CAMKMT: variants seen among roughly 807,000 people sequenced by gnomAD.
The protein encoded by CAMKMT is CaM KMT.
Under a neutral mutation model 48.0 loss-of-function variants are expected in CAMKMT, and 53 were observed. That is an observed-to-expected ratio of 1.10 (90% CI 0.89 to 1.39). CAMKMT has a LOEUF of 1.39. CAMKMT is among the 40% of genes most tolerant of loss of function. CAMKMT has a pLI of 0.00. For missense variants in CAMKMT, 428 were observed against 402.7 expected (o/e 1.06, Z -0.54); for synonymous variants, 165 against 152.3 (o/e 1.08, Z -0.61).
chr2:44,462,676 T>C (rs1240678088), intron 3 of CAMKMT, among the ~76,000 whole-genome samples: 1 of 152,146 alleles, frequency 6.6e-6, no homozygotes, highest in African/African-American at 2.4e-5. Flanking sequence ...TATACAAAAA[T>C]GTGCTGAAGT....
intron 3 of CAMKMT, among the ~76,000 whole-genome samples, chr2:44,481,145 A>T (rs548228079): frequency 6.6e-6 from 1 of 152,122 alleles, no homozygotes; most frequent in Non-Finnish European, 1.5e-5. Context: ...TTATATAAGC[A>T]AAAAAGTTTG....
intron 3 of CAMKMT, among the ~76,000 whole-genome samples, chr2:44,522,266 A>T (rs912320853): frequency 6.6e-6 from 1 of 151,846 alleles, no homozygotes; most frequent in Non-Finnish European, 1.5e-5. Context: ...CGGCCTCTCA[A>T]ATTGCTGGGA....
rs552820034 is a variant in CAMKMT at position 44,368,005 on chromosome 2, G to A, written c.139-4711G>A. Among the ~76,000 whole-genome samples, 4 of 152,286 alleles carry A rather than the reference G, an allele frequency of 2.6e-5. No individual in the cohort carries two copies. In the South Asian group the frequency reaches 6.2e-4, roughly 24 times the overall value. ...ACAAACATTTCAGGTTAATAAATGG[G>A]TCTTTGACTTCCATTGTGTTCAGTT... On this transcript the variant is annotated intron_variant, in intron 1 of 10. Transcript: ENST00000378494.
At chr2:44,666,647 T>C (rs1456754287) in intron 3 of CAMKMT, among the ~76,000 whole-genome samples, 1 of 149,170 alleles carries the variant, frequency 6.7e-6, no homozygotes, top group East Asian at 1.9e-4. Context: ...AGTCTGGCTC[T>C]GTCACCCAAG....
At chr2:44,421,945 A>G (rs1375583757) in intron 3 of CAMKMT, among the ~76,000 whole-genome samples, 1 of 152,214 alleles carries the variant, frequency 6.6e-6, no homozygotes, top group African/African-American at 2.4e-5. Context: ...GAAGGCTGGA[A>G]AATGGGACTT....
intron 3 of CAMKMT, among the ~76,000 whole-genome samples, chr2:44,587,046 T>C (rs1669897198): frequency 6.6e-6 from 1 of 152,252 alleles, no homozygotes; most frequent in South Asian, 2.1e-4. Flanking sequence ...TGATCATCTT[T>C]TCATTGCTTA....
chr2:44,719,900 T>A (rs1678368997), intron 7 of CAMKMT, among the ~76,000 whole-genome samples: 1 of 152,224 alleles, frequency 6.6e-6, no homozygotes, highest in African/African-American at 2.4e-5. Flanking sequence ...TGATAAAATA[T>A]ACCTGTTAGT....
intron 3 of CAMKMT, among the ~76,000 whole-genome samples, chr2:44,440,371 G>C (rs893867402): frequency 4.6e-5 from 7 of 152,100 alleles, no homozygotes; most frequent in African/African-American, 1.7e-4. Context: ...CCAACATTCA[G>C]ATTGTCCCCA....
At chr2:44,722,233 T>C (rs1678508841) in intron 7 of CAMKMT, among the ~76,000 whole-genome samples, 1 of 151,742 alleles carries the variant, frequency 6.6e-6, no homozygotes, top group Admixed American at 6.6e-5. Flanking sequence ...TGTGTACACA[T>C]TTTTGTGACA....
chr2:44,372,929 T>C, intron 2 of CAMKMT, 41 bp downstream of exon 2: 1 of 1,504,354 alleles, frequency 6.6e-7, no homozygotes, highest in South Asian at 1.2e-5. Flanking sequence ...ACACTAGATT[T>C]CTCTTGGATA....
chr2:44,471,404 C>G (rs978615700), intron 3 of CAMKMT, among the ~76,000 whole-genome samples: 5 of 152,038 alleles, frequency 3.3e-5, no homozygotes, highest in Non-Finnish European at 5.9e-5. Context: ...TTGAGACCAG[C>G]CAAGGCAACA....
At chr2:44,573,299 A>G (rs1296442833) in intron 3 of CAMKMT, among the ~76,000 whole-genome samples, 5 of 152,080 alleles carry the variant, frequency 3.3e-5, no homozygotes, top group Non-Finnish European at 7.4e-5. Context: ...GTTGAGTTGT[A>G]GGAGTTCTTT....
intron 3 of CAMKMT, among the ~76,000 whole-genome samples, chr2:44,615,395 C>T (rs188852470): frequency 2.6e-5 from 4 of 152,238 alleles, no homozygotes; most frequent in African/African-American, 9.6e-5. Context: ...AACTGAATTA[C>T]GGCTATGGCC....
At chr2:44,748,362 G>C (rs1427499595) in intron 8 of CAMKMT, among the ~76,000 whole-genome samples, 1 of 152,022 alleles carries the variant, frequency 6.6e-6, no homozygotes, top group African/African-American at 2.4e-5. Context: ...ACTTTATAAG[G>C]GCATGTTTGA....
Position 44,506,724 on chromosome 2 carries a change from T to G in CAMKMT, c.376+116419T>G, listed in dbSNP as rs113053011. Among the ~76,000 whole-genome samples, 32 of 152,304 alleles carry G rather than the reference T, an allele frequency of 2.1e-4. No homozygotes were observed. The Middle Eastern group carries it at 0.01, about 49-fold the overall frequency. Reference sequence around the variant, plus strand: ...AATATAGTTCAAGAAATCCATCTCCTTATACCAAATTGGATTTCTGTAATA... The same window carrying G: ...AATATAGTTCAAGAAATCCATCTCCGTATACCAAATTGGATTTCTGTAATA... On this transcript the variant is annotated intron_variant, in intron 3 of 10. Transcript: ENST00000378494.
chr2:44,744,106 A>ATG (rs1305498429), intron 8 of CAMKMT, among the ~76,000 whole-genome samples: 3 of 152,154 alleles, frequency 2.0e-5, no homozygotes, highest in African/African-American at 4.8e-5. Flanking sequence ...GGGAAAATAT[A>ATG]TGTGTGTGTG....
At chr2:44,478,671 G>A (rs1269321600) in intron 3 of CAMKMT, among the ~76,000 whole-genome samples, 2 of 149,968 alleles carry the variant, frequency 1.3e-5, no homozygotes, top group Non-Finnish European at 3.0e-5. Flanking sequence ...GCAATAAAAA[G>A]ATATAAAAGT....
intron 3 of CAMKMT, among the ~76,000 whole-genome samples, chr2:44,662,957 A>C (rs1356970264): frequency 1.3e-5 from 2 of 152,234 alleles, no homozygotes; most frequent in Non-Finnish European, 2.9e-5. Context: ...TCATTCTCTA[A>C]ATGAATAAAT....
intron 3 of CAMKMT, among the ~76,000 whole-genome samples, chr2:44,400,085 A>G (rs1222001775): frequency 6.6e-6 from 1 of 152,186 alleles, no homozygotes; most frequent in Admixed American, 6.5e-5. Context: ...GATTCATTTG[A>G]ATCCCAAGTC....
Sources: gnomAD v4.1 joint callset for allele counts (sites outside exome capture counted in the v4.1 genomes callset) on GRCh38, gnomAD v4.1.1 for gene constraint, MANE v1.5 for transcripts, NCBI Gene and HGNC (gene_info 2026-07-23, HGNC 2026-07-21) for gene names.